The following SPATA21 variants were observed in gnomAD, a reference collection of about 807,000 sequenced individuals.
SPATA21 encodes spermatogenesis-associated protein 21.
A neutral mutation model predicts 54.8 loss-of-function variants in SPATA21; 47 were observed. The ratio of observed to expected loss-of-function variants is 0.86; its 90% CI spans 0.68 to 1.09. The LOEUF is 1.09. SPATA21 is among the 50% of genes least tolerant of loss of function. The pLI, the probability that SPATA21 is intolerant of heterozygous loss-of-function variation, is 0.00. For missense variants in SPATA21, 599 were observed against 596.4 expected, an observed-to-expected ratio of 1.00 and a Z score of -0.05; for synonymous variants, 245 against 235.3, an observed-to-expected ratio of 1.04 and a Z score of -0.38.
At chr1:16,422,151 AC>A in intron 3 of SPATA21, 180 bp from the exon 4 acceptor site, 1 of 1,462,236 alleles carries the variant, frequency 6.8e-7, no homozygotes, top group Non-Finnish European at 9.0e-7. Context: ...TGCTGGCTGC[AC>A]CATGTCTGCC....
At chr1:16,396,774 A>G (rs903122619), downstream of SPATA21, 5 of 152,356 alleles carry the variant, frequency 3.3e-5, no homozygotes, top group African/African-American at 1.2e-4. Flanking sequence ...CAGGCCCAGT[A>G]AGCCATGCCC....
At chr1:16,431,785 T>C (rs1004376117) in intron 2 of SPATA21, among the ~76,000 whole-genome samples, 3 of 152,226 alleles carry the variant, frequency 2.0e-5, no homozygotes, top group African/African-American at 2.4e-5. Flanking sequence ...TACTGGTCCC[T>C]TCAGATGCTC....
rs2086458406 is a variant in SPATA21 at position 16,431,543 on chromosome 1, T to C, written c.-51-121A>G. 4.4e-6 allele frequency: 4 copies of C among 916,660 alleles called. No individual in the cohort carries two copies. In the Admixed American group the frequency reaches 8.6e-5, roughly 20 times the overall value. The allele number at this position is 916,660 out of a possible 1,614,324, so 56.8% of individuals were successfully genotyped here. A position where few individuals can be genotyped will look rare whatever the true frequency, so the allele number is the denominator to read the frequency against. Reference sequence around the variant, plus strand: ...CGAGGGAAGAGGCGGGGCCAGGCCTTGCAAGGAGAGGCACGCAGCAAAACC... The same window carrying C: ...CGAGGGAAGAGGCGGGGCCAGGCCTCGCAAGGAGAGGCACGCAGCAAAACC... On this transcript the variant is annotated intron_variant, in intron 2 of 12. Coordinates refer to ENST00000335496, the MANE Select transcript of SPATA21 (RefSeq NM_198546.1).
chr1:16,429,305 G>GTT (rs201180346), intron 3 of SPATA21, among the ~76,000 whole-genome samples: 1 of 141,738 alleles, frequency 7.1e-6, no homozygotes, highest in African/African-American at 2.6e-5. Flanking sequence ...GCCTGGCTTT[G>GTT]TTTTTTTTTT....
rs993695608 is a variant in SPATA21 at position 16,437,273 on chromosome 1, A to G, written c.-332T>C. 1.3e-5 allele frequency: 2 copies of G among 152,230 alleles called. No homozygotes were observed. The highest frequency in any genetic ancestry group is 2.9e-5 in the Non-Finnish European group (2 of 68,096). 9.4% of individuals were successfully genotyped at this position (152,230 alleles called of 1,614,324 possible). On this transcript the variant is annotated 5_prime_UTR_variant, in exon 1 of 13. Coordinates refer to ENST00000335496, the MANE Select transcript of SPATA21 (RefSeq NM_198546.1). Reference sequence around the variant, plus strand: ...TACAGGGCAGTTAAACTGGGAATAGATGGCAGGTCCAATTATTCTCAGCAG... The same window carrying G: ...TACAGGGCAGTTAAACTGGGAATAGGTGGCAGGTCCAATTATTCTCAGCAG...
chr1:16,415,268 G>GTCT, intron 5 of SPATA21, among the ~76,000 whole-genome samples: 1 of 152,164 alleles, frequency 6.6e-6, no homozygotes. Flanking sequence ...AGCCCAGGAG[G>GTCT]CGGAGGTTGC....
intron 1 of SPATA21, among the ~76,000 whole-genome samples, chr1:16,433,386 A>G (rs1418476292): frequency 6.6e-6 from 1 of 152,234 alleles, no homozygotes; most frequent in Non-Finnish European, 1.5e-5. Flanking sequence ...CCTGGAGCGG[A>G]AAAGTCAGGG....
chr1:16,401,356 G>A (rs577588211), intron 10 of SPATA21, among the ~76,000 whole-genome samples: 40 of 152,290 alleles, frequency 2.6e-4, no homozygotes, highest in Non-Finnish European at 4.7e-4. Context: ...GTGCAGTGGC[G>A]TGAACATGGC....
intron 9 of SPATA21, 38 bp downstream of exon 9, chr1:16,403,930 C>T (rs2085540863): frequency 1.2e-6 from 2 of 1,612,156 alleles, no homozygotes; most frequent in Non-Finnish European, 8.5e-7. Context: ...CCCAGCCCCT[C>T]CTCCAGTTCT....
chr1:16,405,844 G>T (rs2100797809), intron 7 of SPATA21, among the ~76,000 whole-genome samples: 1 of 152,316 alleles, frequency 6.6e-6, no homozygotes, highest in Middle Eastern at 3.4e-3. Context: ...AAGATCTAGG[G>T]ACAGACTTAG....
At chr1:16,432,580 A>G (rs933864093) in intron 2 of SPATA21, among the ~76,000 whole-genome samples, 3 of 151,700 alleles carry the variant, frequency 2.0e-5, no homozygotes, top group East Asian at 1.9e-4. Context: ...CATTTTTTCT[A>G]TCTTTCCGAT....
intron 5 of SPATA21, among the ~76,000 whole-genome samples, chr1:16,420,153 GA>G (rs2086127992): frequency 6.6e-6 from 1 of 152,092 alleles, no homozygotes; most frequent in Non-Finnish European, 1.5e-5. Context: ...GGAGCCTGGA[GA>G]AGGCAGCATT....
intron 5 of SPATA21, among the ~76,000 whole-genome samples, chr1:16,418,548 A>G (rs995377759): frequency 4.0e-5 from 6 of 151,710 alleles, no homozygotes; most frequent in African/African-American, 1.5e-4. Flanking sequence ...CTGGGATTAC[A>G]AGCATGAGCC....
rs1411667714 is a variant in SPATA21 at position 16,421,639 on chromosome 1, A to G, written c.96-82T>C. ...CTGCCCTCCCCTCTCAGCCCCCAGG[A>G]CACTCAGTTCCACCCCAGCCTCATC... On this transcript the variant is annotated intron_variant, in intron 4 of 12. Transcript: ENST00000335496. The surrounding 1 kb of genome is among the most constrained non-coding windows in gnomAD (Gnocchi z 5.2). The G allele has an allele frequency of 2.7e-5, 39 of 1,426,966 alleles. No homozygotes were observed. The highest frequency in any genetic ancestry group is 3.7e-5 in the Non-Finnish European group (39 of 1,041,342). 88.4% of individuals were successfully genotyped at this position (1,426,966 alleles called of 1,614,324 possible).
intron 5 of SPATA21, among the ~76,000 whole-genome samples, chr1:16,416,019 A>C (rs886064799): frequency 1.3e-5 from 2 of 151,876 alleles, no homozygotes; most frequent in African/African-American, 4.8e-5. Flanking sequence ...AGCCCCTTCC[A>C]CCTGGCACCA....
At chr1:16,434,477 A>G (rs1245491595) in intron 1 of SPATA21, among the ~76,000 whole-genome samples, 1 of 151,984 alleles carries the variant, frequency 6.6e-6, no homozygotes, top group African/African-American at 2.4e-5. Flanking sequence ...TTTTAATTTT[A>G]AATAGAGGCG....
At position 16,405,060 on chromosome 1, in the gene SPATA21, C is replaced by G; in HGVS notation, c.718G>C (p.Asp240His). ...FEIFNGPGEV[D>H]AQSLKNILLL... ...AGGATATTCTTCAGGCTCTGTGCAT[C>G]CACCTCACCAGGACCATTGAAGATC... Residue 240 changes from aspartate to histidine, a missense_variant, in exon 8 of 13, where the codon GAT (aspartate) becomes CAT (histidine). Coordinates refer to ENST00000335496, the MANE Select transcript of SPATA21 (RefSeq NM_198546.1). The G allele has an allele frequency of 6.2e-7, 1 of 1,610,094 alleles. No homozygotes were observed. The highest frequency in any genetic ancestry group is 1.1e-5 in the South Asian group (1 of 90,154).
chr1:16,401,576 G>A (rs1025426203), intron 10 of SPATA21, among the ~76,000 whole-genome samples: 31 of 152,228 alleles, frequency 2.0e-4, no homozygotes, highest in South Asian at 6.2e-4. Context: ...GATTACAGGC[G>A]TGAGCCACTG....
At chr1:16,426,581 T>TATATATATATA (rs1341237564) in intron 3 of SPATA21, among the ~76,000 whole-genome samples, 257 of 67,620 alleles carry the variant, frequency 3.8e-3, no homozygotes, top group East Asian at 0.019. Flanking sequence ...ATATATATAT[T>TATATATATATA]TTTTTTTTTT....
Sources: gnomAD v4.1 joint callset for allele counts (sites outside exome capture counted in the v4.1 genomes callset) on GRCh38, gnomAD v4.1.1 for gene constraint, Gnocchi (gnomAD v3.1) non-coding constraint, MANE v1.5 for transcripts, NCBI Gene and HGNC (gene_info 2026-07-23, HGNC 2026-07-21) for gene names.